Variants in HMGXB4 observed in about 807,000 individuals in gnomAD.
HMGXB4 encodes HMG-box containing 4, also known as HMG domain-containing protein 4.
HMGXB4 carries 27 observed loss-of-function variants against 63.9 expected under a neutral mutation model. That is an observed-to-expected ratio of 0.42 (90% CI 0.31 to 0.58). The LOEUF (loss-of-function observed/expected upper bound fraction) is 0.58. Among genes scored for constraint, HMGXB4 ranks in the 20% least tolerant of loss-of-function variants. The pLI is 0.13. For missense variants in HMGXB4, 624 were observed against 700.7 expected (o/e 0.89, Z 1.24); for synonymous variants, 264 against 265.3 (o/e 0.99, Z 0.05).
At chr22:35,242,686 C>T in the HMGXB4 span, among the ~76,000 whole-genome samples, 1 of 152,052 alleles carries the variant, frequency 6.6e-6, no homozygotes, top group Non-Finnish European at 1.5e-5. Context: ...GTTTTCTCTT[C>T]TTTATCCAGG....
chr22:35,263,287 A>C, intron 3 of HMGXB4, 61 bp downstream of exon 3: 1 of 1,376,316 alleles, frequency 7.3e-7, no homozygotes, highest in Non-Finnish European at 1.0e-6. Flanking sequence ...TTGGTGATGC[A>C]GAGTTTTTTT....
chr22:35,248,500 A>G, the HMGXB4 span, among the ~76,000 whole-genome samples: 1 of 144,190 alleles, frequency 6.9e-6, no homozygotes, highest in African/African-American at 2.6e-5. Context: ...TACACCTCCC[A>G]GGTTCAAGTG....
At chr22:35,284,068 G>A (rs780138722) in intron 6 of HMGXB4, 25 bp downstream of exon 6, 19 of 1,512,422 alleles carry the variant, frequency 1.3e-5, no homozygotes, top group Middle Eastern at 1.7e-4. Context: ...GATCTGTAGC[G>A]CTTTTGCTTT....
intron 5 of HMGXB4, among the ~76,000 whole-genome samples, chr22:35,266,094 T>C (rs1457399916): frequency 6.6e-6 from 1 of 151,836 alleles, no homozygotes; most frequent in Non-Finnish European, 1.5e-5. Flanking sequence ...CGGCCTAGGG[T>C]TTCTTAATAG....
chr22:35,262,733 C>T (rs1922941227), intron 2 of HMGXB4: 1 of 519,410 alleles, frequency 1.9e-6, no homozygotes, highest in Non-Finnish European at 3.4e-6. Context: ...ATCCTGGACT[C>T]CCACAGAGAG....
At position 35,286,087 on chromosome 22, in the gene HMGXB4, T is replaced by G. The variant is rs376646107; in HGVS notation, c.1362+26T>G. The G allele has an allele frequency of 1.8e-4, 271 of 1,530,108 alleles. 2 individuals carry two copies. The highest frequency in any genetic ancestry group is 1.8e-4 in the Middle Eastern group (1 of 5,530). The allele number at this position is 1,530,108 out of a possible 1,614,324, so 94.8% of individuals were successfully genotyped here. A position where few individuals can be genotyped will look rare whatever the true frequency, so the allele number is the denominator to read the frequency against. Reference sequence around the variant, plus strand: ...GTAAGTACATTTTCTTACAAACATATTTTTCAGTGCTTCTCGCCTTCCAAA... The same window carrying G: ...GTAAGTACATTTTCTTACAAACATAGTTTTCAGTGCTTCTCGCCTTCCAAA... On this transcript the variant is annotated intron_variant, in intron 7 of 10. Coordinates refer to ENST00000216106, the MANE Select transcript of HMGXB4 (RefSeq NM_001003681.3).
At chr22:35,287,060 G>A (rs1343344458) in intron 7 of HMGXB4, 1 of 313,888 alleles carries the variant, frequency 3.2e-6, no homozygotes, top group Admixed American at 4.2e-5. Flanking sequence ...TATTGAGCCA[G>A]AGGTTTAATC....
chr22:35,262,409 G>T lies in HMGXB4; in HGVS notation c.19G>T (p.Val7Leu). 6.2e-7 allele frequency: 1 copy of T among 1,613,976 alleles called. No individual in the cohort carries two copies. The highest frequency in any genetic ancestry group is 8.5e-7 in the Non-Finnish European group (1 of 1,179,898). Residue 7 changes from valine (V) to leucine (L), a missense_variant, in exon 2 of 11, where the codon GTG becomes TTG. Val to Leu is a conservative substitution (Grantham distance 32). This residue lies in a region of HMGXB4 where 472 missense variants were observed against 470.6 expected (regional missense o/e 1.00). Transcript: ENST00000216106. MAYDDS[V>L]KKEDCFDGDH... The stretch of plus-strand genomic sequence containing the variant: ...GACCACCATGGCTTATGATGACTCC[G>T]TGAAGAAAGAAGGTATGACCCCATA...
intron 5 of HMGXB4, among the ~76,000 whole-genome samples, chr22:35,279,132 CTTTTTTTTTTTTTTTT>C (rs551006065): frequency 1.2e-4 from 6 of 50,802 alleles, no homozygotes; most frequent in Admixed American, 3.5e-4. Flanking sequence ...TATGGATTGT[CTTTTTTTTTTTTTTTT>C]TTTTTTTTTT....
Position 35,264,721 on chromosome 22 carries a change from C to A in HMGXB4, c.333C>A (p.Asp111Glu). 1 of 1,613,590 alleles carries A rather than the reference C, an allele frequency of 6.2e-7. No individual in the cohort carries two copies. Among genetic ancestry groups the A allele is most frequent in the African/African-American group, 1.3e-5 (1 of 75,016 alleles). The change falls in exon 5 of 11, where the codon GAC becomes GAA. Residue 111 changes from aspartate (D) to glutamate (E), a missense_variant. This residue lies in a region of HMGXB4 where 472 missense variants were observed against 470.6 expected (regional missense o/e 1.00). Coordinates refer to ENST00000216106, the MANE Select transcript of HMGXB4 (RefSeq NM_001003681.3). ...CACAGTCTACTGATACAGCTATGGA[C>A]CTGTTGAAAGCTATCACTTCCCCAC... ...SSPQSTDTAMDLLKAITSPLA... is the reference protein window; with the variant it reads ...SSPQSTDTAMELLKAITSPLA...
At chr22:35,293,364 T>C (rs1211813019) in intron 10 of HMGXB4, among the ~76,000 whole-genome samples, 1 of 152,252 alleles carries the variant, frequency 6.6e-6, no homozygotes, top group African/African-American at 2.4e-5. Context: ...ATTCCTGTGT[T>C]TCCTGTTTGC....
chr22:35,282,126 T>A (rs942390712), intron 5 of HMGXB4, among the ~76,000 whole-genome samples: 1 of 152,194 alleles, frequency 6.6e-6, no homozygotes. Context: ...ACCTGACTCT[T>A]AAGGCAAACA....
At chr22:35,251,795 T>C in the HMGXB4 span, among the ~76,000 whole-genome samples, 25 of 152,238 alleles carry the variant, frequency 1.6e-4, no homozygotes, top group African/African-American at 6.0e-4. Context: ...ATACCCATGA[T>C]ACCATCATCA....
At chr22:35,290,446 C>A (rs1454392619) in intron 9 of HMGXB4, among the ~76,000 whole-genome samples, 1 of 151,922 alleles carries the variant, frequency 6.6e-6, no homozygotes, top group Non-Finnish European at 1.5e-5. Context: ...GAGATCGAGA[C>A]CATCCTGGCA....
chr22:35,290,349 A>G (rs1350203132), intron 9 of HMGXB4, among the ~76,000 whole-genome samples: 4 of 152,146 alleles, frequency 2.6e-5, no homozygotes, highest in Admixed American at 2.6e-4. Context: ...TTACCCCTAA[A>G]AGAAACCCTG....
At chr22:35,274,075 C>T (rs1345296315) in intron 5 of HMGXB4, among the ~76,000 whole-genome samples, 1 of 152,194 alleles carries the variant, frequency 6.6e-6, no homozygotes, top group Non-Finnish European at 1.5e-5. Context: ...AGTGTCTGCT[C>T]TCAAAGAGCT....
At chr22:35,242,530 GCTCT>G in the HMGXB4 span, among the ~76,000 whole-genome samples, 416 of 145,916 alleles carry the variant, frequency 2.9e-3, no homozygotes, top group Admixed American at 5.4e-3. Flanking sequence ...ATAGTAATCT[GCTCT>G]CTCTCTCTCT....
chr22:35,263,990 T>G (rs1454710276), intron 4 of HMGXB4, 116 bp downstream of exon 4: 1 of 1,569,030 alleles, frequency 6.4e-7, no homozygotes, highest in Admixed American at 1.9e-5. Flanking sequence ...AGGACAGTGG[T>G]TCTTGTTCTG....
At position 35,265,101 on chromosome 22, in the gene HMGXB4, G is replaced by T. The variant is rs1923123276; in HGVS notation, c.713G>T (p.Gly238Val). The T allele has an allele frequency of 8.1e-6, 13 of 1,614,108 alleles. No homozygotes were observed. The highest frequency in any genetic ancestry group is 1.1e-5 in the Non-Finnish European group (13 of 1,180,030). Residue 238 changes from glycine (G) to valine (V), a missense_variant, in exon 5 of 11, where the codon GGA becomes GTA. Transcript: ENST00000216106. ...ARDEQGALLL[G>V]HELQSFLKTA... ...GATGAGCAGGGTGCTTTACTCCTAG[G>T]ACATGAGTTACAGAGCTTTCTGAAA...
Sources: allele counts gnomAD v4.1 joint callset (sites outside exome capture counted in the v4.1 genomes callset), GRCh38; gene constraint gnomAD v4.1.1; regional missense constraint gnomAD v4.1.1; transcripts MANE v1.5; gene names NCBI Gene and HGNC (gene_info 2026-07-23, HGNC 2026-07-21).